Variants in SUGCT observed in about 807,000 individuals in gnomAD.
The protein encoded by SUGCT is succinyl-CoA:glutarate CoA-transferase.
Under a neutral mutation model 55.0 loss-of-function variants are expected in SUGCT, and 41 were observed. The observed-to-expected ratio is 0.74, with a 90% CI of 0.58 to 0.97. The LOEUF (loss-of-function observed/expected upper bound fraction) is 0.97, where lower values mean the gene tolerates loss of function less well. Among genes scored for constraint, SUGCT ranks in the 50% least tolerant of loss-of-function variants. The pLI, the probability that SUGCT is intolerant of heterozygous loss-of-function variation, is 0.00. For synonymous variants in SUGCT, 187 were observed against 200.4 expected (o/e 0.93, Z 0.56); for missense variants, 568 against 547.8 (o/e 1.04, Z -0.37).
intron 12 of SUGCT, among the ~76,000 whole-genome samples, chr7:40,635,494 AAAG>A (rs1246773320): frequency 4.6e-5 from 7 of 152,216 alleles, no homozygotes; most frequent in African/African-American, 1.7e-4. Context: ...TTCTAGAACT[AAAG>A]AAAGTCATGA....
At chr7:40,250,336 G>T (rs1238069796) in intron 7 of SUGCT, among the ~76,000 whole-genome samples, 1 of 151,910 alleles carries the variant, frequency 6.6e-6, no homozygotes, top group Non-Finnish European at 1.5e-5. Context: ...GGAGATGGAG[G>T]TTGCAGTGAA....
intron 12 of SUGCT, among the ~76,000 whole-genome samples, chr7:40,506,406 T>A (rs2151541439): frequency 6.6e-6 from 1 of 152,248 alleles, no homozygotes; most frequent in Non-Finnish European, 1.5e-5. Flanking sequence ...CATTTTTATT[T>A]TGCTCCTCTG....
At chr7:40,274,182 A>AT (rs1012114710) in intron 7 of SUGCT, among the ~76,000 whole-genome samples, 9 of 146,102 alleles carry the variant, frequency 6.2e-5, no homozygotes, top group East Asian at 2.0e-4. Context: ...AATTCAATTA[A>AT]TTTTTTTAGC....
In SUGCT at chr7:40,627,277, C is replaced by T. The variant is rs1182204540; in HGVS notation, c.1090-122157C>T. Among the ~76,000 whole-genome samples, 10 of 152,164 alleles carry T rather than the reference C, an allele frequency of 6.6e-5. 1 individual carries two copies. The highest frequency in any genetic ancestry group is 5.9e-4 in the Admixed American group (9 of 15,266). ...GTATGCCCCACAGTGTGGGAGTGGT[C>T]CTGAGCAGCCATTCAAGGGCTGTGG... On this transcript the variant is annotated intron_variant, in intron 12 of 13. Transcript: ENST00000335693.
chr7:40,939,655 T>C, the SUGCT span, among the ~76,000 whole-genome samples: 6 of 152,214 alleles, frequency 3.9e-5, no homozygotes, highest in African/African-American at 1.2e-4. Flanking sequence ...TGAGCACATT[T>C]TCATATGTTT....
At chr7:40,843,169 T>G (rs915006325) in intron 13 of SUGCT, among the ~76,000 whole-genome samples, 5 of 152,106 alleles carry the variant, frequency 3.3e-5, no homozygotes, top group Non-Finnish European at 7.4e-5. Context: ...GGAGGTAAAC[T>G]GGCCAAAGGG....
intron 12 of SUGCT, among the ~76,000 whole-genome samples, chr7:40,702,968 T>C (rs1040923899): frequency 6.6e-6 from 1 of 152,230 alleles, no homozygotes; most frequent in African/African-American, 2.4e-5. Flanking sequence ...GCCTCACCTT[T>C]GTTATTCCAA....
At chr7:40,737,925 A>G (rs899983989) in intron 12 of SUGCT, among the ~76,000 whole-genome samples, 1 of 151,000 alleles carries the variant, frequency 6.6e-6, no homozygotes, top group Admixed American at 6.6e-5. Context: ...ACTCCGTCTC[A>G]AAAAAAACAA....
At chr7:40,192,402 A>G (rs1040915831) in intron 5 of SUGCT, among the ~76,000 whole-genome samples, 3 of 152,170 alleles carry the variant, frequency 2.0e-5, no homozygotes, top group Non-Finnish European at 4.4e-5. Context: ...CCAATATTTC[A>G]GACAATTTTC....
chr7:40,877,686 T>C, the SUGCT span, among the ~76,000 whole-genome samples: 2 of 152,228 alleles, frequency 1.3e-5, no homozygotes, highest in African/African-American at 2.4e-5. Context: ...TGACAATGAA[T>C]GTAGGGACTA....
chr7:40,395,996 G>A (rs1342999286), intron 9 of SUGCT, among the ~76,000 whole-genome samples: 1 of 152,088 alleles, frequency 6.6e-6, no homozygotes, highest in Non-Finnish European at 1.5e-5. Flanking sequence ...TGAGACTTCT[G>A]AGAACTAAAG....
the SUGCT span, among the ~76,000 whole-genome samples, chr7:40,990,115 G>A: frequency 6.6e-6 from 1 of 152,214 alleles, no homozygotes; most frequent in East Asian, 1.9e-4. Flanking sequence ...TATGGCAGCT[G>A]CAGTCTTACA....
chr7:40,655,428 G>A (rs1800971494), intron 12 of SUGCT, among the ~76,000 whole-genome samples: 1 of 152,166 alleles, frequency 6.6e-6, no homozygotes. Context: ...CTGCTCCTTG[G>A]GAGTAAAATA....
At chr7:40,709,051 A>G (rs1203739) in intron 12 of SUGCT, among the ~76,000 whole-genome samples, 71,194 of 152,074 alleles carry the variant, frequency 0.47, 21,000 homozygotes, top group African/African-American at 0.84. Context: ...GGAACTTCCT[A>G]TCACAAAATT....
intron 8 of SUGCT, among the ~76,000 whole-genome samples, chr7:40,291,444 G>T (rs955233626): frequency 2.2e-5 from 3 of 138,760 alleles, no homozygotes; most frequent in Non-Finnish European, 3.0e-5. Flanking sequence ...TCATAGGTGG[G>T]AATTGAACAA....
intron 13 of SUGCT, among the ~76,000 whole-genome samples, chr7:40,841,576 C>T (rs1167024202): frequency 6.6e-6 from 1 of 152,084 alleles, no homozygotes; most frequent in East Asian, 1.9e-4. Flanking sequence ...AGTTATAATC[C>T]ACTTGTGTAT....
intron 12 of SUGCT, among the ~76,000 whole-genome samples, chr7:40,509,629 A>G (rs1480440376): frequency 6.6e-6 from 1 of 151,936 alleles, no homozygotes; most frequent in Non-Finnish European, 1.5e-5. Flanking sequence ...CCTTTCCTAT[A>G]AGCCAGAACT....
At chr7:40,256,883 A>G (rs1387367760) in intron 7 of SUGCT, among the ~76,000 whole-genome samples, 7 of 151,766 alleles carry the variant, frequency 4.6e-5, no homozygotes, top group Non-Finnish European at 1.0e-4. Context: ...AGCCGGGACT[A>G]CAGGCGCCCA....
chr7:41,007,259 T>C, the SUGCT span, among the ~76,000 whole-genome samples: 1 of 152,202 alleles, frequency 6.6e-6, no homozygotes, highest in Non-Finnish European at 1.5e-5. Flanking sequence ...CCCTGACTAC[T>C]TAATATTACA....
Sources: gnomAD v4.1 joint callset for allele counts (sites outside exome capture counted in the v4.1 genomes callset) on GRCh38, gnomAD v4.1.1 for gene constraint, MANE v1.5 for transcripts, NCBI Gene and HGNC (gene_info 2026-07-23, HGNC 2026-07-21) for gene names.